Variants in SERPINB12 observed in about 807,000 individuals in gnomAD.
The protein encoded by SERPINB12 is serpin B12.
Under a neutral mutation model 41.1 loss-of-function variants are expected in SERPINB12, and 57 were observed. The observed-to-expected ratio is 1.39, with a 90% CI of 1.12 to 1.73. The LOEUF (loss-of-function observed/expected upper bound fraction) is 1.73, where lower values mean the gene tolerates loss of function less well. Ranked by LOEUF, SERPINB12 falls within the 40% of genes most tolerant of loss-of-function variation. The pLI, the probability that SERPINB12 is intolerant of heterozygous loss-of-function variation, is 0.00. For missense variants in SERPINB12, 536 were observed against 501.9 expected (o/e 1.07, Z -0.65); for synonymous variants, 180 against 181.3 (o/e 0.99, Z 0.06).
the SERPINB12 span, among the ~76,000 whole-genome samples, chr18:63,522,755 G>A: frequency 6.6e-6 from 1 of 152,022 alleles, no homozygotes; most frequent in African/African-American, 2.4e-5. Flanking sequence ...GATGCCTTTA[G>A]AGAAGAATCA....
At chr18:63,526,614 G>A in the SERPINB12 span, among the ~76,000 whole-genome samples, 12 of 152,268 alleles carry the variant, frequency 7.9e-5, no homozygotes, top group East Asian at 1.4e-3. Context: ...ATAGCTTAGC[G>A]TTATGATTTT....
chr18:63,543,518 A>G (rs2144313677), intron 1 of SERPINB12, among the ~76,000 whole-genome samples: 1 of 152,328 alleles, frequency 6.6e-6, no homozygotes, highest in South Asian at 2.1e-4. Context: ...TTACTGTAAT[A>G]CTGAAGGGCA....
chr18:63,540,417 A>G, upstream of SERPINB12, among the ~76,000 whole-genome samples: 1 of 152,188 alleles, frequency 6.6e-6, no homozygotes, highest in Non-Finnish European at 1.5e-5. Context: ...TAAGGAAATC[A>G]TCTGAGATTC....
chr18:63,559,058 C>CTTTCTTTTTCTTTCTTTCTTTCTTTCTT (rs778900558), intron 3 of SERPINB12, among the ~76,000 whole-genome samples: 3 of 107,402 alleles, frequency 2.8e-5, no homozygotes, highest in African/African-American at 9.6e-5. Flanking sequence ...TTCTTTCTTT[C>CTTTCTTTTTCTTTCTTTCTTTCTTTCTT]TCTCCTTCTT....
chr18:63,544,634 G>A (rs1206775534), intron 1 of SERPINB12, among the ~76,000 whole-genome samples: 1 of 152,080 alleles, frequency 6.6e-6, no homozygotes, highest in Non-Finnish European at 1.5e-5. Context: ...GTGGACAGCT[G>A]ACATTTTTTC....
At chr18:63,541,011 G>C (rs926541852), upstream of SERPINB12, among the ~76,000 whole-genome samples, 1 of 152,058 alleles carries the variant, frequency 6.6e-6, no homozygotes, top group South Asian at 2.1e-4. Context: ...TACGTTTTCA[G>C]TATTTTTAAT....
chr18:63,559,289 A>T (rs938094293), intron 3 of SERPINB12, among the ~76,000 whole-genome samples: 7 of 151,832 alleles, frequency 4.6e-5, no homozygotes, highest in African/African-American at 1.7e-4. Context: ...TGTAAAGAAA[A>T]TCAGAGTGTG....
At chr18:63,538,763 G>T (rs1016600825), upstream of SERPINB12, among the ~76,000 whole-genome samples, 5 of 152,102 alleles carry the variant, frequency 3.3e-5, no homozygotes, top group African/African-American at 1.2e-4. Flanking sequence ...TTCAGGAACT[G>T]CCAGACTGTT....
At chr18:63,551,923 CAG>C (rs756749106) in intron 1 of SERPINB12, among the ~76,000 whole-genome samples, 2 of 152,296 alleles carry the variant, frequency 1.3e-5, no homozygotes, top group South Asian at 2.1e-4. Flanking sequence ...GCTCACCGCA[CAG>C]AGAGGCAATC....
chr18:63,525,270 G>A, the SERPINB12 span, among the ~76,000 whole-genome samples: 5 of 151,726 alleles, frequency 3.3e-5, 1 homozygote, highest in African/African-American at 1.2e-4. Context: ...TTTTCCCATC[G>A]AAAATACATC....
At chr18:63,528,631 T>G in the SERPINB12 span, among the ~76,000 whole-genome samples, 1 of 151,906 alleles carries the variant, frequency 6.6e-6, no homozygotes, top group African/African-American at 2.4e-5. Flanking sequence ...CAAACCAAGA[T>G]GAAATCAAAG....
At chr18:63,532,541 A>G in the SERPINB12 span, among the ~76,000 whole-genome samples, 1 of 152,272 alleles carries the variant, frequency 6.6e-6, no homozygotes, top group Non-Finnish European at 1.5e-5. Context: ...CTGTATGTCT[A>G]TAGGAGCAGT....
At chr18:63,534,351 G>A in the SERPINB12 span, among the ~76,000 whole-genome samples, 1 of 152,144 alleles carries the variant, frequency 6.6e-6, no homozygotes, top group African/African-American at 2.4e-5. Context: ...GGTACTTGTG[G>A]GGAGTTACTA....
the SERPINB12 span, among the ~76,000 whole-genome samples, chr18:63,534,233 G>A: frequency 6.6e-6 from 1 of 152,108 alleles, no homozygotes; most frequent in Non-Finnish European, 1.5e-5. Context: ...CTCATCAAAA[G>A]CAATTGTAAG....
chr18:63,536,125 C>T, the SERPINB12 span, among the ~76,000 whole-genome samples: 1 of 151,402 alleles, frequency 6.6e-6, no homozygotes. Context: ...TTTAAGTATT[C>T]CCACAACATT....
chr18:63,565,137 T>A (rs1218772382), intron 6 of SERPINB12, among the ~76,000 whole-genome samples: 1 of 152,082 alleles, frequency 6.6e-6, no homozygotes, highest in Non-Finnish European at 1.5e-5. Flanking sequence ...CAGTGAGCTA[T>A]GATGGCACCA....
At chr18:63,542,579 G>T (rs1378945531) in intron 1 of SERPINB12, among the ~76,000 whole-genome samples, 87 bp downstream of exon 1, 3 of 152,146 alleles carry the variant, frequency 2.0e-5, no homozygotes, top group African/African-American at 7.2e-5. Context: ...ATGTGTTGCA[G>T]GTCTTCATTC....
At chr18:63,527,961 C>G in the SERPINB12 span, among the ~76,000 whole-genome samples, 1 of 151,834 alleles carries the variant, frequency 6.6e-6, no homozygotes, top group Non-Finnish European at 1.5e-5. Flanking sequence ...CTCATGAGAT[C>G]TGATGGTTTT....
At chr18:63,534,294 C>T in the SERPINB12 span, among the ~76,000 whole-genome samples, 1 of 152,016 alleles carries the variant, frequency 6.6e-6, no homozygotes, top group Non-Finnish European at 1.5e-5. Flanking sequence ...CATTAAAAAA[C>T]AAAACAAAAC....
Sources: allele counts gnomAD v4.1 joint callset (sites outside exome capture counted in the v4.1 genomes callset), GRCh38; gene constraint gnomAD v4.1.1; transcripts MANE v1.5; gene names NCBI Gene and HGNC (gene_info 2026-07-23, HGNC 2026-07-21).